Variants in NR3C2 observed in about 807,000 individuals in gnomAD.
NR3C2 encodes the protein nuclear receptor subfamily 3 group C member 2.
In NR3C2, 15 loss-of-function variants were observed where a neutral mutation model predicts 86.4. That is an observed-to-expected ratio of 0.17 (90% confidence interval 0.12 to 0.27). The LOEUF is 0.27. Among genes scored for constraint, NR3C2 ranks in the 10% least tolerant of loss-of-function variants. The pLI is 1.00. For synonymous variants in NR3C2, 458 were observed against 450.5 expected (o/e 1.02, Z -0.21); for missense variants, 960 against 1,195.6 (o/e 0.80, Z 2.91).
At chr4:148,334,922 T>C (rs1392160908) in intron 2 of NR3C2, among the ~76,000 whole-genome samples, 1 of 152,218 alleles carries the variant, frequency 6.6e-6, no homozygotes, top group African/African-American at 2.4e-5. Flanking sequence ...TTTAGCCTTC[T>C]GGGCTTCTGC....
intron 6 of NR3C2, among the ~76,000 whole-genome samples, chr4:148,139,220 T>C (rs1044424446): frequency 4.6e-5 from 7 of 152,164 alleles, no homozygotes; most frequent in East Asian, 1.9e-4. Flanking sequence ...CCAAATTCCA[T>C]AGTAAAGGTA....
intron 3 of NR3C2, among the ~76,000 whole-genome samples, chr4:148,240,557 A>T (rs893390039): frequency 1.2e-4 from 19 of 152,158 alleles, no homozygotes; most frequent in Non-Finnish European, 2.9e-5. Flanking sequence ...CAACAGGCTC[A>T]TGCCAGAATG....
At chr4:148,385,295 A>G (rs1747205316) in intron 2 of NR3C2, among the ~76,000 whole-genome samples, 1 of 152,360 alleles carries the variant, frequency 6.6e-6, no homozygotes, top group Non-Finnish European at 1.5e-5. Context: ...CATTCTTACC[A>G]TAACAAATTA....
chr4:148,378,648 C>A (rs1245298186), intron 2 of NR3C2, among the ~76,000 whole-genome samples: 1 of 152,164 alleles, frequency 6.6e-6, no homozygotes, highest in Non-Finnish European at 1.5e-5. Context: ...GTAAGACGTG[C>A]CTGCTTCTCC....
At chr4:148,175,776 T>A (rs1735346399) in intron 4 of NR3C2, among the ~76,000 whole-genome samples, 1 of 152,160 alleles carries the variant, frequency 6.6e-6, no homozygotes, top group Non-Finnish European at 1.5e-5. Context: ...ATTTTAGAAT[T>A]AAGAATGGCT....
intron 2 of NR3C2, among the ~76,000 whole-genome samples, chr4:148,363,782 C>T (rs936058191): frequency 1.3e-5 from 2 of 152,116 alleles, no homozygotes; most frequent in Non-Finnish European, 2.9e-5. Flanking sequence ...GGATTACAGG[C>T]GTGAGCCACC....
At chr4:148,201,592 A>C (rs1736721516) in intron 3 of NR3C2, among the ~76,000 whole-genome samples, 1 of 152,194 alleles carries the variant, frequency 6.6e-6, no homozygotes, top group Non-Finnish European at 1.5e-5. Context: ...CCATTGCTAC[A>C]GACATCCTCA....
intron 8 of NR3C2, among the ~76,000 whole-genome samples, chr4:148,103,578 T>C (rs540138758): frequency 7.0e-4 from 107 of 152,336 alleles, no homozygotes; most frequent in African/African-American, 1.5e-3. Context: ...AAAAATCTCT[T>C]TTTTAATGTA....
chr4:148,396,061 C>T (rs1170754351), intron 2 of NR3C2, among the ~76,000 whole-genome samples: 1 of 152,170 alleles, frequency 6.6e-6, no homozygotes, highest in Admixed American at 6.5e-5. Flanking sequence ...AGGTTTTGGT[C>T]AGTACCATCT....
chr4:148,358,657 T>C (rs1198380513), intron 2 of NR3C2, among the ~76,000 whole-genome samples: 1 of 151,870 alleles, frequency 6.6e-6, no homozygotes, highest in East Asian at 1.9e-4. Flanking sequence ...TAAAATGCCA[T>C]ATCTCCGTTC....
intron 2 of NR3C2, among the ~76,000 whole-genome samples, chr4:148,278,999 T>C (rs1402881667): frequency 6.6e-6 from 1 of 151,886 alleles, no homozygotes; most frequent in Non-Finnish European, 1.5e-5. Flanking sequence ...CCGTCCCTAC[T>C]AAAAATGCAA....
chr4:148,163,029 G>A (rs1190550799), intron 4 of NR3C2, among the ~76,000 whole-genome samples: 2 of 152,174 alleles, frequency 1.3e-5, no homozygotes, highest in African/African-American at 2.4e-5. Flanking sequence ...AACTTAAAGA[G>A]ACATTGGCTA....
At chr4:148,442,712 G>A (rs72646919), upstream of NR3C2, 1 of 985,238 alleles carries the variant, frequency 1.0e-6, no homozygotes, top group Non-Finnish European at 1.2e-6. Flanking sequence ...GCCTGGACTC[G>A]GCAGCTTCCT....
chr4:148,110,164 A>G (rs1266370671), intron 8 of NR3C2, among the ~76,000 whole-genome samples: 1 of 152,238 alleles, frequency 6.6e-6, no homozygotes, highest in African/African-American at 2.4e-5. Flanking sequence ...AAAGATTGAC[A>G]TTCAGAGGAC....
intron 2 of NR3C2, among the ~76,000 whole-genome samples, chr4:148,365,103 C>T (rs187852419): frequency 2.0e-5 from 3 of 152,258 alleles, no homozygotes; most frequent in Admixed American, 6.5e-5. Context: ...TACCAATAAG[C>T]AATCCTTTTC....
intron 2 of NR3C2, among the ~76,000 whole-genome samples, chr4:148,412,198 C>T (rs1247131603): frequency 6.6e-6 from 1 of 152,274 alleles, no homozygotes; most frequent in Admixed American, 6.5e-5. Flanking sequence ...CAAGGCAGCA[C>T]TGACCATTGC....
intron 3 of NR3C2, among the ~76,000 whole-genome samples, chr4:148,241,409 C>T (rs1739038419): frequency 6.6e-6 from 1 of 151,122 alleles, no homozygotes; most frequent in Non-Finnish European, 1.5e-5. Flanking sequence ...AAGTCTCTGC[C>T]CCAACTCTAA....
At chr4:148,224,128 C>A (rs562891972) in intron 3 of NR3C2, among the ~76,000 whole-genome samples, 70 of 114,388 alleles carry the variant, frequency 6.1e-4, no homozygotes, top group Admixed American at 5.6e-3. Context: ...AAAGAATGTG[C>A]AAAGAAAAAG....
chr4:148,126,119 G>A (rs1252473794), intron 6 of NR3C2, among the ~76,000 whole-genome samples: 3 of 152,180 alleles, frequency 2.0e-5, no homozygotes, highest in Admixed American at 6.5e-5. Context: ...GGTCCTAGAG[G>A]GGCACAGCCC....
Sources: gnomAD v4.1 joint callset for allele counts (sites outside exome capture counted in the v4.1 genomes callset) on GRCh38, gnomAD v4.1.1 for gene constraint, MANE v1.5 for transcripts, NCBI Gene and HGNC (gene_info 2026-07-23, HGNC 2026-07-21) for gene names.